Variants in NFIB observed in about 807,000 individuals in gnomAD.
The protein encoded by NFIB is nuclear factor I B.
In NFIB, 11 loss-of-function variants were observed where a neutral mutation model predicts 61.5. The observed-to-expected ratio is 0.18, with a 90% confidence interval of 0.11 to 0.30. NFIB has a LOEUF of 0.30. Ranked by LOEUF, NFIB falls within the 10% of genes least tolerant of loss-of-function variation. NFIB has a pLI of 1.00. For synonymous variants in NFIB, 260 were observed against 216.5 expected, an observed-to-expected ratio of 1.20 and a Z score of -1.76; for missense variants, 471 against 608.9, an observed-to-expected ratio of 0.77 and a Z score of 2.38.
At chr9:14,140,210 T>C (rs1417952613) in intron 6 of NFIB, among the ~76,000 whole-genome samples, 1 of 152,212 alleles carries the variant, frequency 6.6e-6, no homozygotes, top group African/African-American at 2.4e-5. Context: ...GTATGGTTAC[T>C]AAGCTGTCTG....
chr9:14,205,718 T>C (rs2049613016), intron 2 of NFIB, among the ~76,000 whole-genome samples: 1 of 152,202 alleles, frequency 6.6e-6, no homozygotes, highest in African/African-American at 2.4e-5. Flanking sequence ...GAAAGATGAA[T>C]TCCATAATGC....
Position 14,314,119 on chromosome 9 carries a change from C to G in NFIB, c.-608G>C, listed in dbSNP as rs2060425836. On this transcript the variant is annotated 5_prime_UTR_variant, in exon 1 of 11. Transcript: ENST00000380953. ...GCCGCGAGCCGACCATGTGTGTGCG[C>G]GAGGGGCAGCGTGAGCGAGTGCGCG... The G allele has an allele frequency of 1.8e-5, 18 of 981,994 alleles. No homozygotes were observed. The highest frequency in any genetic ancestry group is 1.8e-5 in the Non-Finnish European group (15 of 832,872). The allele number at this position is 981,994 out of a possible 1,614,324, so 60.8% of individuals were successfully genotyped here. A position where few individuals can be genotyped will look rare whatever the true frequency, so the allele number is the denominator to read the frequency against.
At chr9:14,463,763 C>G in the NFIB span, among the ~76,000 whole-genome samples, 1 of 148,436 alleles carries the variant, frequency 6.7e-6, no homozygotes, top group African/African-American at 2.5e-5. Flanking sequence ...CGGGTTCACG[C>G]CATTCTCCTG....
At chr9:14,388,675 A>G (rs574176987) in intron 1 of NFIB, among the ~76,000 whole-genome samples, 2 of 152,326 alleles carry the variant, frequency 1.3e-5, no homozygotes, top group East Asian at 3.9e-4. Flanking sequence ...CTAGATAGCA[A>G]TTGCCTCTGG....
the NFIB span, among the ~76,000 whole-genome samples, chr9:14,458,736 G>T: frequency 1.3e-5 from 2 of 152,016 alleles, no homozygotes; most frequent in Admixed American, 6.6e-5. Context: ...GACAAACAGA[G>T]AGCCAAATCA....
At chr9:14,447,651 T>C in the NFIB span, among the ~76,000 whole-genome samples, 20 of 152,132 alleles carry the variant, frequency 1.3e-4, no homozygotes, top group African/African-American at 4.8e-4. Flanking sequence ...TGGTTGAGAG[T>C]GGGAGTGAAG....
At chr9:14,473,358 T>A in the NFIB span, among the ~76,000 whole-genome samples, 4 of 152,236 alleles carry the variant, frequency 2.6e-5, no homozygotes, top group African/African-American at 9.6e-5. Flanking sequence ...AGTATTCTTT[T>A]GGATCTTCTT....
chr9:14,374,730 T>G (rs1272719971), intron 1 of NFIB, among the ~76,000 whole-genome samples: 1 of 152,062 alleles, frequency 6.6e-6, no homozygotes, highest in African/African-American at 2.4e-5. Context: ...GCCAACATGG[T>G]GAAACCCTGT....
At chr9:14,318,531 G>A (rs200447232), upstream of NFIB, among the ~76,000 whole-genome samples, 1 of 14,538 alleles carries the variant, frequency 6.9e-5, no homozygotes, top group African/African-American at 2.8e-4. Context: ...TTTTTTTTTT[G>A]GCTCTTGCAT....
At chr9:14,326,012 A>T (rs965703345) in intron 1 of NFIB, among the ~76,000 whole-genome samples, 1 of 152,226 alleles carries the variant, frequency 6.6e-6, no homozygotes, top group Non-Finnish European at 1.5e-5. Context: ...TCCTAATTAT[A>T]TAAAAATAGG....
the NFIB span, among the ~76,000 whole-genome samples, chr9:14,459,172 T>G: frequency 6.6e-6 from 1 of 152,092 alleles, no homozygotes; most frequent in East Asian, 1.9e-4. Flanking sequence ...AACAGAGATA[T>G]AGACCAATGG....
chr9:14,521,879 G>A, the NFIB span, among the ~76,000 whole-genome samples: 1 of 152,200 alleles, frequency 6.6e-6, no homozygotes, highest in Non-Finnish European at 1.5e-5. Context: ...CCCATTGGTA[G>A]TCCTATGGCC....
chr9:14,466,680 G>A, the NFIB span, among the ~76,000 whole-genome samples: 4 of 152,086 alleles, frequency 2.6e-5, no homozygotes, highest in Non-Finnish European at 5.9e-5. Context: ...TTTCTCCTCT[G>A]CCCCCCAGGG....
rs570340386 is a variant in NFIB, at chr9:14,234,088, C to T, written c.563-54308G>A. 3.5e-4 allele frequency among the ~76,000 whole-genome samples: 54 copies of T among 152,224 alleles called. 1 individual carries two copies. The highest frequency in any genetic ancestry group is 1.3e-3 in the African/African-American group (53 of 41,552). Reference sequence around the variant, plus strand: ...CTAACTTCTGTGACTCTTGGAAAATCCAGGATTGAAGCCTGCAGTCCTGTG... The same window carrying T: ...CTAACTTCTGTGACTCTTGGAAAATTCAGGATTGAAGCCTGCAGTCCTGTG... On this transcript the variant is annotated intron_variant, in intron 2 of 10. Transcript: ENST00000380953.
chr9:14,176,940 T>C (rs1488704355), intron 3 of NFIB, among the ~76,000 whole-genome samples: 2 of 152,200 alleles, frequency 1.3e-5, no homozygotes, highest in Non-Finnish European at 2.9e-5. Flanking sequence ...TTTTGCCATC[T>C]CTTCCCAAGC....
At chr9:14,531,556 T>C in the NFIB span, among the ~76,000 whole-genome samples, 1 of 152,116 alleles carries the variant, frequency 6.6e-6, no homozygotes, top group Admixed American at 6.6e-5. Flanking sequence ...CAGAAAGAAG[T>C]ACATTACTCT....
chr9:14,206,695 CAAAAAAAA>C lies in NFIB; in HGVS notation c.563-26923_563-26916del, dbSNP rs889983433. On this transcript the variant is annotated intron_variant, in intron 2 of 10. Coordinates refer to ENST00000380953, the MANE Select transcript of NFIB (RefSeq NM_001190737.2). ...TATGAGATTCAGACAACATGCTTTACAAAAAAAAAAAAAAAAAAAAAAAAAACCTAAGG... is the reference window on the plus strand; with the variant it reads ...TATGAGATTCAGACAACATGCTTTACAAAAAAAAAAAAAAAAAACCTAAGG... Among the ~76,000 whole-genome samples, 658 of 71,312 alleles carry C rather than the reference CAAAAAAAA, an allele frequency of 9.2e-3. 4 individuals are homozygous for C. The highest frequency in any genetic ancestry group is 0.026 in the African/African-American group (553 of 21,278). 46.8% of individuals were successfully genotyped at this position (71,312 alleles called of 152,430 possible). A position where few individuals can be genotyped will look rare whatever the true frequency, so the allele number is the denominator to read the frequency against.
chr9:14,370,359 C>T (rs1394963368), intron 1 of NFIB, among the ~76,000 whole-genome samples: 1 of 152,150 alleles, frequency 6.6e-6, no homozygotes, highest in Non-Finnish European at 1.5e-5. Flanking sequence ...GATGTAACCC[C>T]AACCCCAACA....
chr9:14,530,981 G>C, the NFIB span, among the ~76,000 whole-genome samples: 1 of 152,174 alleles, frequency 6.6e-6, no homozygotes, highest in East Asian at 1.9e-4. Context: ...GAATTTAATA[G>C]TCATATGAAA....
Sources: allele counts gnomAD v4.1 joint callset (sites outside exome capture counted in the v4.1 genomes callset), GRCh38; gene constraint gnomAD v4.1.1; transcripts MANE v1.5; gene names NCBI Gene and HGNC (gene_info 2026-07-23, HGNC 2026-07-21).